Variants in EIF4G3 observed in about 807,000 individuals in gnomAD.
EIF4G3 encodes eIF-4-gamma 3.
In EIF4G3, 34 loss-of-function variants were observed where a neutral mutation model predicts 186.4. That is an observed-to-expected ratio of 0.18 (90% CI 0.14 to 0.24). EIF4G3 has a LOEUF of 0.24. EIF4G3 is among the 10% of genes least tolerant of loss of function. The pLI, the probability that EIF4G3 is intolerant of heterozygous loss-of-function variation, is 1.00. For synonymous variants in EIF4G3, 673 were observed against 679.5 expected, an observed-to-expected ratio of 0.99 and a Z score of 0.15; for missense variants, 1,536 against 1,948.5, an observed-to-expected ratio of 0.79 and a Z score of 3.99.
chr1:20,881,470 G>T (rs1185758263), intron 19 of EIF4G3, among the ~76,000 whole-genome samples: 2 of 152,142 alleles, frequency 1.3e-5, no homozygotes, highest in Non-Finnish European at 2.9e-5. Context: ...TGAAAGAAAA[G>T]GTTGACTAAT....
intron 11 of EIF4G3, 114 bp downstream of exon 11, chr1:20,972,888 A>G: frequency 1.2e-6 from 1 of 854,040 alleles, no homozygotes; most frequent in Non-Finnish European, 1.7e-6. Flanking sequence ...GAAGAATAAA[A>G]AAAAAAAAGG....
chr1:21,128,485 G>A (rs556008597), intron 2 of EIF4G3, among the ~76,000 whole-genome samples: 1 of 151,998 alleles, frequency 6.6e-6, no homozygotes, highest in Non-Finnish European at 1.5e-5. Context: ...CTCCAGCCTG[G>A]GTGACAAGAG....
Position 21,007,527 on chromosome 1 carries a change from A to AC in EIF4G3, c.-66-4720_-66-4719insG, listed in dbSNP as rs1489422465. Among the ~76,000 whole-genome samples the AC allele has an allele frequency of 1.8e-3, 245 of 134,090 alleles. 8 individuals are homozygous for AC. Among genetic ancestry groups the AC allele is most frequent in the African/African-American group, 7.4e-3 (230 of 30,986 alleles). 88.0% of individuals were successfully genotyped at this position (134,090 alleles called of 152,430 possible). On this transcript the variant is annotated intron_variant, in intron 4 of 36. Transcript: ENST00000602326. ...ATGGGCCCCTCCTTAAAAAAAAAAAAAAAAAAAAAACACACTCAAAAACAA... is the reference window on the plus strand; with the variant it reads ...ATGGGCCCCTCCTTAAAAAAAAAAAACAAAAAAAAAACACACTCAAAAACAA...
intron 14 of EIF4G3, 112 bp downstream of exon 14, chr1:20,941,379 G>C: frequency 6.2e-7 from 1 of 1,608,196 alleles, no homozygotes; most frequent in Non-Finnish European, 8.5e-7. Flanking sequence ...AGGAATTTCA[G>C]CATTCATTCG....
chr1:21,072,880 T>C (rs2095484629), intron 3 of EIF4G3, among the ~76,000 whole-genome samples: 1 of 152,174 alleles, frequency 6.6e-6, no homozygotes, highest in African/African-American at 2.4e-5. Flanking sequence ...CTGGTACATA[T>C]CTGAGTGATG....
Position 21,050,796 on chromosome 1 carries a change from C to T in EIF4G3, c.-67+70G>A, listed in dbSNP as rs568226491. On this transcript the variant is annotated intron_variant, in intron 4 of 36. Coordinates refer to ENST00000602326, the MANE Select transcript of EIF4G3 (RefSeq NM_001391906.1). ...ATGTTTTATGTTACTGCTTAGGAGT[C>T]TCTTTAGAAAAACAAAAATGATGCC... The T allele has an allele frequency of 6.0e-6, 4 of 671,364 alleles. No individual in the cohort carries two copies. In the African/African-American group the frequency reaches 7.5e-5, roughly 13 times the overall value. The allele number at this position is 671,364 out of a possible 1,614,324, so 41.6% of individuals were successfully genotyped here.
At chr1:20,917,206 A>G (rs965180138) in intron 14 of EIF4G3, among the ~76,000 whole-genome samples, 1 of 152,250 alleles carries the variant, frequency 6.6e-6, no homozygotes, top group Admixed American at 6.5e-5. Context: ...GAATGAAAGA[A>G]GCCAGTCAGG....
intron 29 of EIF4G3, 98 bp downstream of exon 29, chr1:20,849,317 T>C (rs1340132702): frequency 5.2e-6 from 3 of 578,194 alleles, no homozygotes; most frequent in African/African-American, 1.9e-5. Context: ...ACCTAAGTCT[T>C]ATCAGTTCAC....
At chr1:20,853,917 CAG>C (rs968667879) in intron 26 of EIF4G3, among the ~76,000 whole-genome samples, 3 of 152,118 alleles carry the variant, frequency 2.0e-5, no homozygotes, top group Middle Eastern at 3.4e-3. Context: ...ACATAGTAAA[CAG>C]GGGTGGGAGT....
At chr1:20,995,638 T>C (rs558455238) in intron 7 of EIF4G3, among the ~76,000 whole-genome samples, 3 of 152,240 alleles carry the variant, frequency 2.0e-5, no homozygotes, top group Non-Finnish European at 4.4e-5. Context: ...TCCCAAAGTG[T>C]TGGGATTACA....
intron 2 of EIF4G3, among the ~76,000 whole-genome samples, chr1:21,110,834 T>C (rs758279451): frequency 6.6e-6 from 1 of 152,212 alleles, no homozygotes; most frequent in Non-Finnish European, 1.5e-5. Flanking sequence ...CCCAAAGTGC[T>C]AGGATTATAG....
intron 3 of EIF4G3, among the ~76,000 whole-genome samples, chr1:21,057,277 A>G (rs925371516): frequency 2.4e-4 from 36 of 152,230 alleles, no homozygotes; most frequent in African/African-American, 8.0e-4. Flanking sequence ...TCATTAACAG[A>G]ATTGATCAAT....
intron 2 of EIF4G3, among the ~76,000 whole-genome samples, chr1:21,094,634 G>T (rs2096305035): frequency 7.0e-6 from 1 of 142,136 alleles, no homozygotes. Context: ...GGTGGGGGGA[G>T]GGGGGAGGGA....
rs112452350 is a variant in EIF4G3, at chr1:20,851,836, G to A, written c.3552-358C>T. ...AGTTCAAGACCAGCCTGGCCAACAT[G>A]GTGAAACTGTGTTTCTACTAAAAAT... is the stretch of plus-strand genomic sequence containing the variant. On this transcript the variant is annotated intron_variant, in intron 27 of 36. Transcript: ENST00000602326. Among the ~76,000 whole-genome samples the A allele has an allele frequency of 4.0e-3, 608 of 152,074 alleles. 6 individuals carry two copies. The highest frequency in any genetic ancestry group is 0.014 in the African/African-American group (569 of 41,500).
At chr1:21,167,977 A>T (rs1189413828) in intron 2 of EIF4G3, 2 of 457,066 alleles carry the variant, frequency 4.4e-6, no homozygotes, top group Admixed American at 5.1e-5. Context: ...AGGTTTGAAC[A>T]TTCCCCTTTG....
chr1:20,859,074 A>T (rs2075763270), intron 24 of EIF4G3, among the ~76,000 whole-genome samples: 1 of 152,222 alleles, frequency 6.6e-6, no homozygotes, highest in Non-Finnish European at 1.5e-5. Flanking sequence ...TGGTCCTAAC[A>T]TAACGTCTTG....
intron 2 of EIF4G3, among the ~76,000 whole-genome samples, chr1:21,155,033 CG>C (rs2097620133): frequency 6.6e-6 from 1 of 151,902 alleles, no homozygotes; most frequent in Non-Finnish European, 1.5e-5. Context: ...GATGCTGAGG[CG>C]GGTGGATTAC....
chr1:20,854,206 C>G (rs145206858), intron 26 of EIF4G3, among the ~76,000 whole-genome samples: 117 of 152,190 alleles, frequency 7.7e-4, no homozygotes, highest in Middle Eastern at 3.4e-3. Flanking sequence ...GAGGTCAAAT[C>G]TCTCAAAATC....
Position 20,859,663 on chromosome 1 carries a change from G to A in EIF4G3, c.3244+722C>T, listed in dbSNP as rs552124561. On this transcript the variant is annotated intron_variant, in intron 24 of 36. Transcript: ENST00000602326. The stretch of plus-strand genomic sequence containing the variant: ...TCCCCAGGCTGGAGTGCAGTGGCGC[G>A]ATCGCGGCTCACCGCAACCTCCACC... Among the ~76,000 whole-genome samples the A allele has an allele frequency of 3.6e-4, 55 of 152,272 alleles. No homozygotes were observed. The South Asian group carries it at 8.9e-3, about 25-fold the overall frequency.
Sources: gnomAD v4.1 joint callset for allele counts (sites outside exome capture counted in the v4.1 genomes callset) on GRCh38, gnomAD v4.1.1 for gene constraint, MANE v1.5 for transcripts, NCBI Gene and HGNC (gene_info 2026-07-23, HGNC 2026-07-21) for gene names.